Variants in PARP16 observed in about 807,000 individuals in gnomAD.
PARP16 encodes protein mono-ADP-ribosyltransferase PARP16.
PARP16 carries 31 observed loss-of-function variants against 35.0 expected under a neutral mutation model. The ratio of observed to expected loss-of-function variants is 0.88; its 90% confidence interval spans 0.66 to 1.19. The LOEUF (loss-of-function observed/expected upper bound fraction) is 1.19. Ranked by LOEUF, PARP16 falls within the 50% of genes most tolerant of loss-of-function variation. The pLI, the probability that PARP16 is intolerant of heterozygous loss-of-function variation, is 0.00. For missense variants in PARP16, 424 were observed against 411.2 expected, an observed-to-expected ratio of 1.03 and a Z score of -0.27; for synonymous variants, 162 against 169.5, an observed-to-expected ratio of 0.96 and a Z score of 0.34.
At position 65,259,289 on chromosome 15, in the gene PARP16, C is replaced by T; in HGVS notation, c.*118G>A. ...ACATTTAGGCCATATGAAAATTGTC[C>T]TGTGGTCCCCCAACTGGCCCCTAGG... On this transcript the variant is annotated 3_prime_UTR_variant, in exon 6 of 6. Coordinates refer to ENST00000649807, the MANE Select transcript of PARP16 (RefSeq NM_001316943.2). 1 of 929,330 alleles carries T rather than the reference C, an allele frequency of 1.1e-6. No homozygotes were observed. Among genetic ancestry groups the T allele is most frequent in the South Asian group, 1.5e-5 (1 of 66,884 alleles). The allele number at this position is 929,330 out of a possible 1,614,324, so 57.6% of individuals were successfully genotyped here. A position where few individuals can be genotyped will look rare whatever the true frequency, so the allele number is the denominator to read the frequency against.
intron 3 of PARP16, among the ~76,000 whole-genome samples, chr15:65,241,890 G>C (rs1326145332): frequency 2.0e-5 from 3 of 152,080 alleles, no homozygotes; most frequent in Non-Finnish European, 2.9e-5. Flanking sequence ...GAGAGCAAAA[G>C]TTTTAAATTT....
chr15:65,249,288 G>C (rs1001105666), intron 2 of PARP16, among the ~76,000 whole-genome samples: 7 of 152,350 alleles, frequency 4.6e-5, no homozygotes, highest in African/African-American at 1.7e-4. Flanking sequence ...TAGCTGGAAT[G>C]GTGTGGGAAT....
At chr15:65,284,337 C>CTTTTTTTTTTTTTTTTTTTTTTTT (rs34254507) in intron 1 of PARP16, among the ~76,000 whole-genome samples, 2 of 67,034 alleles carry the variant, frequency 3.0e-5, no homozygotes, top group Non-Finnish European at 5.4e-5. Context: ...TTTCTTTCCT[C>CTTTTTTTTTTTTTTTTTTTTTTTT]TTTTTTTTTT....
At chr15:65,251,858 G>A (rs569090212) in intron 2 of PARP16, among the ~76,000 whole-genome samples, 15 of 151,938 alleles carry the variant, frequency 9.9e-5, no homozygotes, top group African/African-American at 3.1e-4. Context: ...TCCACCTCCC[G>A]GATTCATGCC....
chr15:65,263,605 A>C (rs1258690159), intron 3 of PARP16, among the ~76,000 whole-genome samples: 1 of 152,186 alleles, frequency 6.6e-6, no homozygotes, highest in Non-Finnish European at 1.5e-5. Context: ...ACATAGGTAT[A>C]AGCATCCAAA....
intron 1 of PARP16, among the ~76,000 whole-genome samples, chr15:65,279,671 C>T (rs1181659823): frequency 6.6e-6 from 1 of 152,170 alleles, no homozygotes; most frequent in Non-Finnish European, 1.5e-5. Context: ...AAGTATAGAC[C>T]TAATAGGCAC....
intron 5 of PARP16, among the ~76,000 whole-genome samples, chr15:65,259,837 A>G (rs2089642636): frequency 6.6e-6 from 1 of 152,202 alleles, no homozygotes. Flanking sequence ...CTTGGTATCT[A>G]TAACAATGAC....
chr15:65,240,312 T>TG (rs1183574054), intron 3 of PARP16, among the ~76,000 whole-genome samples: 17,267 of 102,170 alleles, frequency 0.17, 1,665 homozygotes, highest in East Asian at 0.48. Flanking sequence ...GTGTGTGTGG[T>TG]GGGGGGGGCT....
rs916141163 is a variant in PARP16 at position 65,271,137 on chromosome 15, A to G, written c.175-65T>C. On this transcript the variant is annotated intron_variant, in intron 1 of 5. Coordinates refer to ENST00000649807, the MANE Select transcript of PARP16 (RefSeq NM_001316943.2). ...ACACAGTGATAATCAGGGGCCCTCTAGTGGGAAGGCAGGCAACGTTCACTT... is the reference window on the plus strand; with the variant it reads ...ACACAGTGATAATCAGGGGCCCTCTGGTGGGAAGGCAGGCAACGTTCACTT... The G allele has an allele frequency of 3.2e-6, 5 of 1,538,872 alleles. No homozygotes were observed. In the African/African-American group the frequency reaches 6.8e-5, roughly 21 times the overall value.
downstream of PARP16, among the ~76,000 whole-genome samples, chr15:65,231,201 T>C (rs2088775397): frequency 6.6e-6 from 1 of 152,110 alleles, no homozygotes; most frequent in Admixed American, 6.6e-5. Flanking sequence ...ATATGCCTCT[T>C]GTGAACAGCT....
chr15:65,263,627 T>G (rs1379255544), intron 3 of PARP16, among the ~76,000 whole-genome samples: 2 of 152,182 alleles, frequency 1.3e-5, no homozygotes, highest in African/African-American at 4.8e-5. Flanking sequence ...CAACCTCGGT[T>G]TGAATCCTCC....
rs556058787 is a variant in PARP16, at chr15:65,267,678, C to CTTTTTTTTTTTTTTTTTTTTTTTTTTT, written c.313-937_313-911dup. On this transcript the variant is annotated intron_variant, in intron 2 of 5. Coordinates refer to ENST00000649807, the MANE Select transcript of PARP16 (RefSeq NM_001316943.2). ...TGGAGATCACTTCTAATTTTCCTAA[C>CTTTTTTTTTTTTTTTTTTTTTTTTTTT]TTTTTTTTTTTTTTTTTTTTTTTTT... is the stretch of plus-strand genomic sequence containing the variant. 3.8e-5 allele frequency among the ~76,000 whole-genome samples: 2 copies of CTTTTTTTTTTTTTTTTTTTTTTTTTTT among 53,034 alleles called. 1 individual carries two copies. Among genetic ancestry groups the CTTTTTTTTTTTTTTTTTTTTTTTTTTT allele is most frequent in the Admixed American group, 7.1e-4 (2 of 2,802 alleles). The allele number at this position is 53,034 out of a possible 152,430, so 34.8% of individuals were successfully genotyped here.
intron 1 of PARP16, among the ~76,000 whole-genome samples, chr15:65,283,967 A>G (rs1006458752): frequency 3.3e-5 from 5 of 152,192 alleles, no homozygotes; most frequent in Non-Finnish European, 5.9e-5. Context: ...ACGCCTGTGC[A>G]CTGTGGTCAC....
downstream of PARP16, among the ~76,000 whole-genome samples, chr15:65,231,699 C>T (rs948655699): frequency 1.3e-5 from 2 of 152,114 alleles, no homozygotes; most frequent in Non-Finnish European, 2.9e-5. Context: ...CTGCCCATCT[C>T]GGCCTCCCAA....
rs781618010 is a variant in PARP16, at chr15:65,267,947, G to A, written c.313-1179C>T. On this transcript the variant is annotated intron_variant, in intron 2 of 5. Coordinates refer to ENST00000649807, the MANE Select transcript of PARP16 (RefSeq NM_001316943.2). ...ACCTCGTGATCCACCCGCCTCAGCC[G>A]CCCAAAGTGCTGGGATTACAGGCGT... Among the ~76,000 whole-genome samples, 194 of 151,716 alleles carry A rather than the reference G, an allele frequency of 1.3e-3. 1 individual carries two copies. The highest frequency in any genetic ancestry group is 4.2e-3 in the African/African-American group (174 of 41,392).
Position 65,259,152 on chromosome 15 carries a change from A to C in PARP16, c.*255T>G, listed in dbSNP as rs2089613355. ...GCCCTGGCTGAAAAGCCAACTCCCT[A>C]GGACAGTTTAAGAAGGAGCAGATGG... On this transcript the variant is annotated 3_prime_UTR_variant, in exon 6 of 6. Transcript: ENST00000649807. The C allele has an allele frequency of 2.3e-6, 1 of 435,978 alleles. No individual in the cohort carries two copies. Among genetic ancestry groups the C allele is most frequent in the South Asian group, 3.9e-5 (1 of 25,340 alleles). The allele number at this position is 435,978 out of a possible 1,614,324, so 27.0% of individuals were successfully genotyped here. A position where few individuals can be genotyped will look rare whatever the true frequency, so the allele number is the denominator to read the frequency against.
intron 1 of PARP16, 132 bp from the exon 2 acceptor site, chr15:65,271,204 T>C: frequency 1.3e-6 from 1 of 772,804 alleles, no homozygotes; most frequent in Non-Finnish European, 2.2e-6. Flanking sequence ...AATTCACAGG[T>C]CTACAATCCC....
At chr15:65,241,898 TTTTA>T (rs1467393340) in intron 3 of PARP16, among the ~76,000 whole-genome samples, 6 of 152,212 alleles carry the variant, frequency 3.9e-5, no homozygotes, top group African/African-American at 1.2e-4. Context: ...AAGTTTTAAA[TTTTA>T]ATGAAGTTTA....
At chr15:65,281,008 T>C (rs1470675894) in intron 1 of PARP16, among the ~76,000 whole-genome samples, 1 of 152,084 alleles carries the variant, frequency 6.6e-6, no homozygotes, top group Non-Finnish European at 1.5e-5. Context: ...AGCACCCAGG[T>C]GAGGCTCATG....
Sources: allele counts gnomAD v4.1 joint callset (sites outside exome capture counted in the v4.1 genomes callset), GRCh38; gene constraint gnomAD v4.1.1; transcripts MANE v1.5; gene names NCBI Gene and HGNC (gene_info 2026-07-23, HGNC 2026-07-21).